CDK19: variants seen among roughly 807,000 people sequenced by gnomAD.
CDK19 encodes the protein cyclin dependent kinase 19, also known as cyclin-dependent kinase 19.
Under a neutral mutation model 68.3 loss-of-function variants are expected in CDK19, and 20 were observed. That is an observed-to-expected ratio of 0.29 (90% CI 0.21 to 0.43). CDK19 has a LOEUF of 0.43. CDK19 is among the 20% of genes least tolerant of loss of function. The probability of loss-of-function intolerance (pLI) is 1.00; values close to 1 mark genes in which losing one functional copy is unlikely to be tolerated. For synonymous variants in CDK19, 221 were observed against 222.8 expected, an observed-to-expected ratio of 0.99 and a Z score of 0.07; for missense variants, 339 against 623.5, an observed-to-expected ratio of 0.54 and a Z score of 4.86.
chr6:110,623,739 T>TATATATATATATACATATATATATACAC (rs1405338719), intron 8 of CDK19, among the ~76,000 whole-genome samples: 1 of 24,562 alleles, frequency 4.1e-5, no homozygotes, highest in Non-Finnish European at 6.4e-5. Flanking sequence ...TAATGGCCAA[T>TATATATATATATACATATATATATACAC]ATATATATAT....
At chr6:110,643,205 C>T (rs528803177) in intron 4 of CDK19, 18 of 1,287,356 alleles carry the variant, frequency 1.4e-5, no homozygotes, top group Admixed American at 2.3e-5. Context: ...TTAGGCCTGA[C>T]GAGTAAAACA....
chr6:110,790,870 T>C (rs1781543910), intron 1 of CDK19, among the ~76,000 whole-genome samples: 1 of 151,954 alleles, frequency 6.6e-6, no homozygotes, highest in Non-Finnish European at 1.5e-5. Flanking sequence ...AGACTATAGT[T>C]ATTAAAAATG....
At chr6:110,686,647 A>C (rs1257916957) in intron 2 of CDK19, among the ~76,000 whole-genome samples, 1 of 152,234 alleles carries the variant, frequency 6.6e-6, no homozygotes. Flanking sequence ...GTTAAATGAA[A>C]TTTATTCCAT....
chr6:110,703,365 T>A (rs998456342), intron 2 of CDK19, among the ~76,000 whole-genome samples: 12 of 152,082 alleles, frequency 7.9e-5, no homozygotes, highest in Non-Finnish European at 1.3e-4. Context: ...ATAATTAATA[T>A]TTCAAAACCA....
rs561119962 is a variant in CDK19, at chr6:110,783,888, G to A, written c.128+31121C>T. On this transcript the variant is annotated intron_variant, in intron 1 of 12. Transcript: ENST00000368911. ...GAAATTGAAAAGGCAGGCTGGGCAC[G>A]GTGGCTCACGCCTGTTATCCCAGCA... Among the ~76,000 whole-genome samples, 61 of 151,970 alleles carry A rather than the reference G, an allele frequency of 4.0e-4. 1 individual carries two copies. Among genetic ancestry groups the A allele is most frequent in the South Asian group, 6.2e-4 (3 of 4,806 alleles).
Position 110,622,904 on chromosome 6 carries a change from T to C in CDK19, c.942A>G (p.Lys314=), listed in dbSNP as rs751151466. 1.9e-6 allele frequency: 3 copies of C among 1,605,558 alleles called. No homozygotes were observed. In the African/African-American group the frequency reaches 4.0e-5, roughly 22 times the overall value. ...PDSKVFLLLQ[K]LLTMDPTKRI... is the part of the protein sequence containing the mutation. ...TCTTGGTTGGATCCATGGTCAGGAGTTTCTGAAGCTAGAGTGACACACAGG... is the reference window on the plus strand; with the variant it reads ...TCTTGGTTGGATCCATGGTCAGGAGCTTCTGAAGCTAGAGTGACACACAGG... Residue 314 remains lysine (K), a synonymous_variant, in exon 10 of 13, where the codon AAA becomes AAG. Transcript: ENST00000368911.
chr6:110,633,338 T>C (rs1033478511), intron 5 of CDK19, among the ~76,000 whole-genome samples: 26 of 152,214 alleles, frequency 1.7e-4, no homozygotes, highest in African/African-American at 6.3e-4. Flanking sequence ...TCACAAGAGC[T>C]GACATATATA....
intron 1 of CDK19, among the ~76,000 whole-genome samples, chr6:110,794,331 G>C (rs1270079128): frequency 6.6e-6 from 1 of 151,462 alleles, no homozygotes; most frequent in Non-Finnish European, 1.5e-5. Flanking sequence ...ACCTGTGAGC[G>C]ACCGCGCCTG....
intron 2 of CDK19, among the ~76,000 whole-genome samples, chr6:110,672,227 T>C (rs1350576005): frequency 1.3e-5 from 2 of 152,304 alleles, no homozygotes; most frequent in South Asian, 2.1e-4. Context: ...AGTTTGCCTT[T>C]ATTACCTATG....
At chr6:110,617,662 TACACACACAC>T (rs561387463) in intron 12 of CDK19, among the ~76,000 whole-genome samples, 4,314 of 107,122 alleles carry the variant, frequency 0.04, 146 homozygotes, top group African/African-American at 0.083. Context: ...TATATATATA[TACACACACAC>T]ACACACACAC....
In CDK19 at chr6:110,610,886, T is replaced by C. The variant is rs919571351; in HGVS notation, c.*3649A>G. 1 of 152,164 alleles carries C rather than the reference T, an allele frequency of 6.6e-6. No homozygotes were observed. Among genetic ancestry groups the C allele is most frequent in the Admixed American group, 6.5e-5 (1 of 15,270 alleles). The allele number at this position is 152,164 out of a possible 1,614,324, so 9.4% of individuals were successfully genotyped here. Reference sequence around the variant, plus strand: ...TTTACCTTTAGCAGAGAAAACAGCATCATTTTAGAGGCATAGAGAACAAGT... The same window carrying C: ...TTTACCTTTAGCAGAGAAAACAGCACCATTTTAGAGGCATAGAGAACAAGT... On this transcript the variant is annotated 3_prime_UTR_variant, in exon 13 of 13. Transcript: ENST00000368911.
At chr6:110,617,977 CA>C (rs1175553721) in intron 12 of CDK19, among the ~76,000 whole-genome samples, 1 of 151,650 alleles carries the variant, frequency 6.6e-6, no homozygotes, top group Non-Finnish European at 1.5e-5. Flanking sequence ...TCACCAGCAC[CA>C]TGACAGTTCC....
At chr6:110,745,421 C>T (rs1583007974) in intron 2 of CDK19, among the ~76,000 whole-genome samples, 1 of 151,546 alleles carries the variant, frequency 6.6e-6, no homozygotes, top group Non-Finnish European at 1.5e-5. Flanking sequence ...TTTCTGGTGA[C>T]TAATAACATC....
intron 1 of CDK19, among the ~76,000 whole-genome samples, chr6:110,782,088 G>A (rs950176206): frequency 5.3e-5 from 8 of 152,044 alleles, no homozygotes; most frequent in South Asian, 2.1e-4. Context: ...TAGAGATAAG[G>A]GCATGATATA....
intron 1 of CDK19, among the ~76,000 whole-genome samples, chr6:110,795,435 GA>G (rs1229711318): frequency 3.9e-5 from 6 of 152,120 alleles, no homozygotes; most frequent in African/African-American, 1.4e-4. Context: ...TCAGATGTAG[GA>G]AAATCATAGA....
chr6:110,792,915 C>G (rs562956668), intron 1 of CDK19, among the ~76,000 whole-genome samples: 1 of 152,254 alleles, frequency 6.6e-6, no homozygotes, highest in East Asian at 1.9e-4. Flanking sequence ...TACATTTTGA[C>G]TCAATTACTC....
intron 2 of CDK19, among the ~76,000 whole-genome samples, chr6:110,717,696 G>GT (rs1004368265): frequency 3.9e-5 from 6 of 152,030 alleles, no homozygotes; most frequent in African/African-American, 1.2e-4. Context: ...TAGTGCCTTT[G>GT]TTTTTTTGTT....
intron 4 of CDK19, among the ~76,000 whole-genome samples, chr6:110,660,491 C>T (rs575880532): frequency 2.6e-4 from 40 of 152,230 alleles, no homozygotes; most frequent in African/African-American, 9.1e-4. Context: ...CACCTGCACT[C>T]GTGGCACCCG....
intron 2 of CDK19, among the ~76,000 whole-genome samples, chr6:110,673,505 T>G (rs1771193825): frequency 6.6e-6 from 1 of 152,076 alleles, no homozygotes; most frequent in Non-Finnish European, 1.5e-5. Flanking sequence ...TATGTTTAAT[T>G]TTTTGAGGAA....
Sources: gnomAD v4.1 joint callset for allele counts (sites outside exome capture counted in the v4.1 genomes callset) on GRCh38, gnomAD v4.1.1 for gene constraint, MANE v1.5 for transcripts, NCBI Gene and HGNC (gene_info 2026-07-23, HGNC 2026-07-21) for gene names.